The following CARMIL1 variants were observed in gnomAD, a reference collection of about 807,000 sequenced individuals.
The protein encoded by CARMIL1 is F-actin-uncapping protein LRRC16A.
A neutral mutation model predicts 177.1 loss-of-function variants in CARMIL1; 90 were observed. That is an observed-to-expected ratio of 0.51 (90% CI 0.43 to 0.61). The LOEUF (loss-of-function observed/expected upper bound fraction) is 0.61, where lower values mean the gene tolerates loss of function less well. Ranked by LOEUF, CARMIL1 falls within the 20% of genes least tolerant of loss-of-function variation. The pLI is 0.00. For synonymous variants in CARMIL1, 577 were observed against 606.2 expected, an observed-to-expected ratio of 0.95 and a Z score of 0.71; for missense variants, 1,380 against 1,667.0, an observed-to-expected ratio of 0.83 and a Z score of 3.00.
At chr6:25,392,980 A>AT (rs1326089498) in intron 2 of CARMIL1, among the ~76,000 whole-genome samples, 1 of 151,304 alleles carries the variant, frequency 6.6e-6, no homozygotes, top group Non-Finnish European at 1.5e-5. Context: ...TGTGCCTGTT[A>AT]TATGTTACTA....
At chr6:25,361,655 C>A (rs1038609908) in intron 2 of CARMIL1, among the ~76,000 whole-genome samples, 1 of 152,002 alleles carries the variant, frequency 6.6e-6, no homozygotes, top group African/African-American at 2.4e-5. Flanking sequence ...TGAAAGTGTC[C>A]GCCAAATTTC....
intron 9 of CARMIL1, among the ~76,000 whole-genome samples, chr6:25,469,532 TTGTGTG>T (rs35568793): frequency 6.6e-6 from 1 of 150,956 alleles, no homozygotes; most frequent in Non-Finnish European, 1.5e-5. Flanking sequence ...TAAAATCACT[TTGTGTG>T]TGTGTGTGTG....
intron 11 of CARMIL1, among the ~76,000 whole-genome samples, chr6:25,473,767 G>T (rs1243446934): frequency 5.9e-5 from 9 of 152,104 alleles, no homozygotes; most frequent in Non-Finnish European, 1.0e-4. Flanking sequence ...TACACCCGGG[G>T]GTGAGAATCT....
chr6:25,298,285 A>G (rs756874413), intron 2 of CARMIL1, among the ~76,000 whole-genome samples: 15 of 152,220 alleles, frequency 9.9e-5, no homozygotes, highest in Non-Finnish European at 1.9e-4. Flanking sequence ...TTTTATATAA[A>G]TATTTCAAAA....
chr6:25,300,406 C>T (rs1252641539), intron 2 of CARMIL1, among the ~76,000 whole-genome samples: 4 of 152,194 alleles, frequency 2.6e-5, no homozygotes, highest in Non-Finnish European at 4.4e-5. Context: ...GTGGCTCATG[C>T]CTGTAATCCC....
chr6:25,512,576 AGTTTTACAT>A (rs1805560779), intron 20 of CARMIL1, among the ~76,000 whole-genome samples: 1 of 152,178 alleles, frequency 6.6e-6, no homozygotes, highest in South Asian at 2.1e-4. Context: ...TTTATTTACA[AGTTTTACAT>A]GTTAAAAAAT....
intron 20 of CARMIL1, among the ~76,000 whole-genome samples, chr6:25,511,782 G>A (rs1484195802): frequency 6.6e-6 from 1 of 152,138 alleles, no homozygotes; most frequent in Admixed American, 6.5e-5. Context: ...CTTTGACAGG[G>A]CTCTGAGCTG....
intron 5 of CARMIL1, among the ~76,000 whole-genome samples, chr6:25,447,229 G>A (rs529286651): frequency 9.9e-5 from 15 of 152,150 alleles, no homozygotes; most frequent in South Asian, 2.1e-4. Flanking sequence ...GAGGTATGTC[G>A]GAACCTGATT....
At chr6:25,587,101 A>T (rs1813826499) in intron 31 of CARMIL1, among the ~76,000 whole-genome samples, 1 of 152,028 alleles carries the variant, frequency 6.6e-6, no homozygotes, top group African/African-American at 2.4e-5. Flanking sequence ...ACTAGGCACA[A>T]AAATTTAACC....
intron 5 of CARMIL1, among the ~76,000 whole-genome samples, chr6:25,441,900 T>TA (rs1334927174): frequency 6.6e-6 from 1 of 152,036 alleles, no homozygotes; most frequent in Non-Finnish European, 1.5e-5. Flanking sequence ...CTAGATTTTT[T>TA]TTTTTTAGTA....
chr6:25,422,599 G>A (rs1312972677), intron 3 of CARMIL1, among the ~76,000 whole-genome samples: 5 of 152,072 alleles, frequency 3.3e-5, no homozygotes, highest in Non-Finnish European at 1.5e-5. Context: ...AATAAATTAG[G>A]TCAATGAAGT....
intron 2 of CARMIL1, among the ~76,000 whole-genome samples, chr6:25,404,751 G>A (rs370026369): frequency 0.017 from 1,106 of 65,776 alleles, 13 homozygotes; most frequent in African/African-American, 0.058. Context: ...GTGAGACTTC[G>A]TCTTAAAAAA....
At chr6:25,442,998 G>T (rs189582037) in intron 5 of CARMIL1, among the ~76,000 whole-genome samples, 1 of 151,992 alleles carries the variant, frequency 6.6e-6, no homozygotes, top group Non-Finnish European at 1.5e-5. Context: ...ACCAGCTTCC[G>T]GTCAAAGATT....
At chr6:25,380,909 G>A (rs532993901) in intron 2 of CARMIL1, among the ~76,000 whole-genome samples, 2 of 152,190 alleles carry the variant, frequency 1.3e-5, no homozygotes, top group African/African-American at 4.8e-5. Flanking sequence ...AACCTGCATT[G>A]GAAAAGGGAC....
chr6:25,340,688 G>C (rs997275461), intron 2 of CARMIL1, among the ~76,000 whole-genome samples: 1 of 150,884 alleles, frequency 6.6e-6, no homozygotes, highest in Admixed American at 6.6e-5. Flanking sequence ...TACATGCTAC[G>C]AGGGGAAATC....
chr6:25,492,418 G>T (rs557929366), intron 15 of CARMIL1, among the ~76,000 whole-genome samples: 1 of 152,294 alleles, frequency 6.6e-6, no homozygotes, highest in Non-Finnish European at 1.5e-5. Context: ...ATTTTCACTT[G>T]TAGAAGTAAT....
chr6:25,607,734 C>T lies in CARMIL1; in HGVS notation c.3847+1461C>T, dbSNP rs527345750. Among the ~76,000 whole-genome samples the T allele has an allele frequency of 7.9e-5, 12 of 152,210 alleles. No homozygotes were observed. The South Asian group carries it at 1.0e-3, about 13-fold the overall frequency. On this transcript the variant is annotated intron_variant, in intron 35 of 36. Transcript: ENST00000329474. ...CCACTTGTGGTTCTTTCCCATGTTCCGTCACATATTTTTTTTCATTTCCCG... is the reference window on the plus strand; with the variant it reads ...CCACTTGTGGTTCTTTCCCATGTTCTGTCACATATTTTTTTTCATTTCCCG...
Position 25,465,921 on chromosome 6 carries a change from A to C in CARMIL1, c.663A>C (p.Thr221=). 5.0e-6 allele frequency: 8 copies of C among 1,612,430 alleles called. No individual in the cohort carries two copies. Among genetic ancestry groups the C allele is most frequent in the Non-Finnish European group, 6.8e-6 (8 of 1,178,542 alleles). Residue 221 remains threonine (T), a synonymous_variant, in exon 9 of 37, where the codon ACA becomes ACC. Transcript: ENST00000329474. ...CTCTGGAATATAATCAGTGGTTCAC[A>C]AAACTGTCCTCTAAGGATCTAAAAC... ...IAALEYNQWF[T]KLSSKDLKLS... is the part of the protein sequence containing the mutation.
At chr6:25,600,845 C>T in intron 33 of CARMIL1, 99 bp downstream of exon 33, 5 of 1,081,172 alleles carry the variant, frequency 4.6e-6, no homozygotes, top group Non-Finnish European at 6.4e-6. Context: ...TGTCTATCAC[C>T]TTAAACATTT....
Sources: allele counts gnomAD v4.1 joint callset (sites outside exome capture counted in the v4.1 genomes callset), GRCh38; gene constraint gnomAD v4.1.1; transcripts MANE v1.5; gene names NCBI Gene and HGNC (gene_info 2026-07-23, HGNC 2026-07-21).